The following BTAF1 variants were observed in gnomAD, a reference collection of about 807,000 sequenced individuals.
BTAF1 encodes the protein TATA-binding protein-associated factor 172.
In BTAF1, 38 loss-of-function variants were observed where a neutral mutation model predicts 227.1. The observed-to-expected ratio is 0.17, with a 90% CI of 0.13 to 0.22. The LOEUF is 0.22. Among genes scored for constraint, BTAF1 ranks in the 10% least tolerant of loss-of-function variants. BTAF1 has a pLI of 1.00. For synonymous variants in BTAF1, 742 were observed against 751.9 expected (o/e 0.99, Z 0.21); for missense variants, 1,598 against 2,204.0 (o/e 0.73, Z 5.51).
At chr10:92,001,985 T>TACAC (rs71025380) in intron 25 of BTAF1, among the ~76,000 whole-genome samples, 91 of 73,210 alleles carry the variant, frequency 1.2e-3, no homozygotes, top group East Asian at 2.3e-3. Context: ...TATATATATA[T>TACAC]ACACACACAC....
intron 14 of BTAF1, among the ~76,000 whole-genome samples, chr10:91,971,907 C>T (rs1335411459): frequency 6.6e-6 from 1 of 151,896 alleles, no homozygotes; most frequent in African/African-American, 2.4e-5. Context: ...TTACACCATC[C>T]ATAATTGACA....
At chr10:91,942,389 A>G (rs1845078264) in intron 3 of BTAF1, 33 bp from the exon 4 acceptor site, 6 of 1,595,890 alleles carry the variant, frequency 3.8e-6, no homozygotes, top group African/African-American at 2.7e-5. Context: ...CTTTGGCTAT[A>G]TGGTCAAATT....
chr10:92,026,668 G>T lies in BTAF1; in HGVS notation c.5152G>T (p.Ala1718Ser). The change falls in exon 36 of 38, where the codon GCT becomes TCT. Residue 1718 changes from alanine to serine, a missense_variant. Ala to Ser is a moderately conservative substitution (Grantham distance 99). Coordinates refer to ENST00000265990, the MANE Select transcript of BTAF1 (RefSeq NM_003972.3). ...TGGCCTGGGACTTAATTTGACAGGC[G>T]CTGACACAGTAGTATTTGTGGAGCA... ...VGGLGLNLTG[A>S]DTVVFVEHDW... 1 of 1,613,828 alleles carries T rather than the reference G, an allele frequency of 6.2e-7. No homozygotes were observed. Among genetic ancestry groups the T allele is most frequent in the African/African-American group, 1.3e-5 (1 of 74,998 alleles).
rs1564713380 is a variant in BTAF1 at position 92,008,141 on chromosome 10, C to T, written c.3679C>T (p.Pro1227Ser). Residue 1227 changes from proline (P) to serine (S), a missense_variant, in exon 26 of 38, where the codon CCA (proline) becomes TCA (serine). Around this residue, in one of 10 missense-constraint regions of BTAF1, gnomAD observed 425 missense variants for 491.2 expected, o/e 0.87. Transcript: ENST00000265990. ...MPLEAGIPDP[P>S]NMSAELIQLK... ...ATTTTAGGCAGGCATTCCAGACCCT[C>T]CAAACATGTCAGCAGAATTAATCCA... 1 of 1,590,468 alleles carries T rather than the reference C, an allele frequency of 6.3e-7. No individual in the cohort carries two copies. The highest frequency in any genetic ancestry group is 8.5e-7 in the Non-Finnish European group (1 of 1,174,612).
At chr10:91,950,160 G>T (rs1222061588) in intron 4 of BTAF1, among the ~76,000 whole-genome samples, 15 of 118,652 alleles carry the variant, frequency 1.3e-4, no homozygotes, top group African/African-American at 4.4e-4. Context: ...GGGGGGGGCG[G>T]GAAAGAAGAC....
rs997742390 is a variant in BTAF1 at position 91,966,670 on chromosome 10, T to C, written c.1563T>C (p.Arg521=). 10 of 1,613,880 alleles carry C rather than the reference T, an allele frequency of 6.2e-6. No homozygotes were observed. Among genetic ancestry groups the C allele is most frequent in the Non-Finnish European group, 8.5e-6 (10 of 1,179,918 alleles). ...AGTCACTGACAGTTTTAGTTCCACGTGTCTGGCCTTTTTTGCATCACACTA... is the reference window on the plus strand; with the variant it reads ...AGTCACTGACAGTTTTAGTTCCACGCGTCTGGCCTTTTTTGCATCACACTA... ...IQQSLTVLVP[R]VWPFLHHTIS... Residue 521 remains arginine, a synonymous_variant, in exon 14 of 38, where the codon CGT becomes CGC. Coordinates refer to ENST00000265990, the MANE Select transcript of BTAF1 (RefSeq NM_003972.3).
At chr10:91,927,185 C>T (rs1179857028) in intron 1 of BTAF1, among the ~76,000 whole-genome samples, 1 of 150,804 alleles carries the variant, frequency 6.6e-6, no homozygotes, top group African/African-American at 2.4e-5. Flanking sequence ...GTTGCCCACG[C>T]TGGAGTGCAA....
chr10:92,027,313 C>T lies in BTAF1; in HGVS notation c.5406+13C>T. ...TACTCTTGATAAGGTAAAGAACTTA[C>T]ACAATTTGTTGTATCTTTGAGTCAC... On this transcript the variant is annotated intron_variant, in intron 37 of 37. Coordinates refer to ENST00000265990, the MANE Select transcript of BTAF1 (RefSeq NM_003972.3). 1 of 1,585,688 alleles carries T rather than the reference C, an allele frequency of 6.3e-7. No individual in the cohort carries two copies. The highest frequency in any genetic ancestry group is 8.5e-7 in the Non-Finnish European group (1 of 1,169,636).
chr10:91,950,792 G>T (rs1845719107), intron 4 of BTAF1, among the ~76,000 whole-genome samples: 1 of 150,234 alleles, frequency 6.7e-6, no homozygotes, highest in Admixed American at 6.6e-5. Context: ...AGGTACAGGT[G>T]TAGCTATAAA....
In BTAF1 at chr10:91,994,570, G is replaced by A. The variant is rs752273858; in HGVS notation, c.3235G>A (p.Ala1079Thr). Residue 1079 changes from alanine to threonine, a missense_variant, in exon 23 of 38, where the codon GCT (alanine) becomes ACT (threonine). By Grantham distance (58) the Ala-to-Thr change is moderately conservative (BLOSUM62 0). Coordinates refer to ENST00000265990, the MANE Select transcript of BTAF1 (RefSeq NM_003972.3). ...KSLLDKGDSPAQELVNSLQVF... is the reference protein window; with the variant it reads ...KSLLDKGDSPTQELVNSLQVF... ...CCTCCTGGATAAGGGAGATAGCCCT[G>A]CTCAAGAATTGGTGAATTCTCTGCA... 1 of 1,613,902 alleles carries A rather than the reference G, an allele frequency of 6.2e-7. No homozygotes were observed. The highest frequency in any genetic ancestry group is 1.1e-5 in the South Asian group (1 of 91,070).
At chr10:91,950,260 TTTTTGTAGCTTTTCGC>T (rs1209222383) in intron 4 of BTAF1, among the ~76,000 whole-genome samples, 41 of 152,312 alleles carry the variant, frequency 2.7e-4, no homozygotes, top group African/African-American at 9.9e-4. Context: ...AAACTTTTGT[TTTTTGTAGCTTTTCGC>T]TTTTGTAGCT....
rs1345720772 is a variant in BTAF1, at chr10:91,982,110, G to A, written c.1933G>A (p.Gly645Ser). ...KEKTGGKVRQ[G>S]QSQNKEVLQE... ...AAAAACAGGTGGTAAGGTGCGCCAA[G>A]GCCAAAGCCAGAATAAAGAAGTACT... is the stretch of plus-strand genomic sequence containing the variant. The change falls in exon 17 of 38, where the codon GGC (glycine) becomes AGC (serine). Residue 645 changes from glycine to serine, a missense_variant. By Grantham distance (56) the Gly-to-Ser change is moderately conservative (BLOSUM62 0). Around this residue, in one of 10 missense-constraint regions of BTAF1, gnomAD observed 318 missense variants for 435.0 expected, o/e 0.73. Coordinates refer to ENST00000265990, the MANE Select transcript of BTAF1 (RefSeq NM_003972.3). 1 of 1,613,518 alleles carries A rather than the reference G, an allele frequency of 6.2e-7. No individual in the cohort carries two copies. Among genetic ancestry groups the A allele is most frequent in the Non-Finnish European group, 8.5e-7 (1 of 1,179,706 alleles).
chr10:92,024,732 G>GTTTTTTTTTT lies in BTAF1; in HGVS notation c.4864-19_4864-10dup, dbSNP rs1554870028. On this transcript the variant is annotated intron_variant, in intron 34 of 37. Transcript: ENST00000265990. ...TCTGCTTTTATTGAACGCTTATGTA[G>GTTTTTTTTTT]TTTTTTTTTTTTTTCTTCCTAAGTT... 5.8e-4 allele frequency: 735 copies of GTTTTTTTTTT among 1,267,552 alleles called. 1 individual carries two copies. Among genetic ancestry groups the GTTTTTTTTTT allele is most frequent in the African/African-American group, 2.0e-3 (123 of 61,110 alleles). 78.5% of individuals were successfully genotyped at this position (1,267,552 alleles called of 1,614,324 possible).
rs1290597941 is a variant in BTAF1 at position 92,011,385 on chromosome 10, T to C, written c.4281T>C (p.Tyr1427=). ...CAGTAAAACAACTGACTGCTAATTA[T>C]AGGATTATTCTTTCTGGAACACCAA... ...SKAVKQLTAN[Y]RIILSGTPIQ... is the part of the protein sequence containing the mutation. The change falls in exon 30 of 38, where the codon TAT becomes TAC. Residue 1427 remains tyrosine, a synonymous_variant. Coordinates refer to ENST00000265990, the MANE Select transcript of BTAF1 (RefSeq NM_003972.3). 1.4e-6 allele frequency: 2 copies of C among 1,460,582 alleles called. No homozygotes were observed. Among genetic ancestry groups the C allele is most frequent in the South Asian group, 1.6e-5 (1 of 63,100 alleles). The allele number at this position is 1,460,582 out of a possible 1,614,324, so 90.5% of individuals were successfully genotyped here. A position where few individuals can be genotyped will look rare whatever the true frequency, so the allele number is the denominator to read the frequency against.
At chr10:91,994,995 A>C (rs1349327355) in intron 23 of BTAF1, among the ~76,000 whole-genome samples, 1 of 152,216 alleles carries the variant, frequency 6.6e-6, no homozygotes, top group Non-Finnish European at 1.5e-5. Flanking sequence ...AGCATATATA[A>C]TGAAATCTGT....
intron 2 of BTAF1, among the ~76,000 whole-genome samples, chr10:91,938,467 A>G (rs1844780162): frequency 1.3e-5 from 2 of 152,198 alleles, no homozygotes; most frequent in South Asian, 2.1e-4. Context: ...GGTGTTCAAC[A>G]TCATTCTTTT....
intron 4 of BTAF1, among the ~76,000 whole-genome samples, chr10:91,949,046 C>T (rs971545822): frequency 1.3e-5 from 2 of 152,246 alleles, no homozygotes; most frequent in East Asian, 3.9e-4. Context: ...TGCAGTAACT[C>T]AGGCCTGTAA....
chr10:91,981,819 T>C (rs1564691950), intron 16 of BTAF1, 27 bp downstream of exon 16: 3 of 1,591,246 alleles, frequency 1.9e-6, no homozygotes, highest in Admixed American at 3.7e-5. Flanking sequence ...ATAGTGTATT[T>C]GTGTGTTCAT....
chr10:91,952,413 G>C (rs1845832700), intron 5 of BTAF1, among the ~76,000 whole-genome samples: 1 of 152,092 alleles, frequency 6.6e-6, no homozygotes, highest in Admixed American at 6.6e-5. Context: ...TCTAGTAAAA[G>C]CTGTGGCTCT....
Sources: gnomAD v4.1 joint callset for allele counts (sites outside exome capture counted in the v4.1 genomes callset) on GRCh38, gnomAD v4.1.1 for gene constraint, gnomAD v4.1.1 regional missense constraint, MANE v1.5 for transcripts, NCBI Gene and HGNC (gene_info 2026-07-23, HGNC 2026-07-21) for gene names.